PLXNA4: variants seen among roughly 807,000 people sequenced by gnomAD.
PLXNA4 encodes plexin-A4.
A neutral mutation model predicts 191.8 loss-of-function variants in PLXNA4; 44 were observed. The ratio of observed to expected loss-of-function variants is 0.23; its 90% CI spans 0.18 to 0.29. The LOEUF is 0.29. Among genes scored for constraint, PLXNA4 ranks in the 10% least tolerant of loss-of-function variants. PLXNA4 has a pLI of 1.00. For missense variants in PLXNA4, 1,800 were observed against 2,488.8 expected, an observed-to-expected ratio of 0.72 and a Z score of 5.89; for synonymous variants, 1,082 against 1,009.5, an observed-to-expected ratio of 1.07 and a Z score of -1.36.
chr7:132,433,516 G>A (rs2117207073), intron 3 of PLXNA4, among the ~76,000 whole-genome samples: 1 of 152,294 alleles, frequency 6.6e-6, no homozygotes, highest in Non-Finnish European at 1.5e-5. Flanking sequence ...TGAGGTTTGT[G>A]CTCAGCATTC....
At chr7:132,356,168 C>T (rs542554016) in intron 3 of PLXNA4, among the ~76,000 whole-genome samples, 21 of 152,114 alleles carry the variant, frequency 1.4e-4, no homozygotes, top group Admixed American at 3.3e-4. Flanking sequence ...CCTGGCAGAT[C>T]GGTGAGAAGC....
chr7:132,421,182 A>G (rs886195661), intron 3 of PLXNA4, among the ~76,000 whole-genome samples: 11 of 152,228 alleles, frequency 7.2e-5, no homozygotes, highest in African/African-American at 2.7e-4. Context: ...TGTAGGTGGA[A>G]TCATACAGCA....
chr7:132,168,439 C>T lies in PLXNA4; in HGVS notation c.4151G>A (p.Gly1384Asp). 1 of 1,614,046 alleles carries T rather than the reference C, an allele frequency of 6.2e-7. No homozygotes were observed. The highest frequency in any genetic ancestry group is 8.5e-7 in the Non-Finnish European group (1 of 1,179,952). Residue 1384 changes from glycine (G) to aspartate (D), a missense_variant, in exon 22 of 32, where the codon GGC (glycine) becomes GAC (aspartate). Gly to Asp is a moderately conservative substitution (Grantham distance 94). Transcript: ENST00000321063. ...SQRSFSMRDR[G>D]NVASLIMTVL... ...GGTCATGATGAGTGAGGCCACGTTG[C>T]CACGGTCGCGCATGGAGAAGCTACG...
intron 29 of PLXNA4, among the ~76,000 whole-genome samples, chr7:132,142,183 T>C (rs1383597228): frequency 6.6e-6 from 1 of 152,244 alleles, no homozygotes; most frequent in East Asian, 1.9e-4. Flanking sequence ...TCCTGGGACC[T>C]TCTGCCCCTT....
intron 3 of PLXNA4, among the ~76,000 whole-genome samples, chr7:132,422,399 G>C (rs1022959742): frequency 3.3e-5 from 5 of 152,214 alleles, no homozygotes; most frequent in Non-Finnish European, 7.3e-5. Flanking sequence ...CACACACAGA[G>C]AAGCACGGAA....
chr7:132,500,812 G>A (rs949553456), intron 2 of PLXNA4, among the ~76,000 whole-genome samples: 1 of 152,108 alleles, frequency 6.6e-6, no homozygotes, highest in African/African-American at 2.4e-5. Context: ...TTATTAAAAG[G>A]ATACTTTTTT....
At chr7:132,325,927 T>A (rs6950583) in intron 3 of PLXNA4, among the ~76,000 whole-genome samples, 14 of 151,992 alleles carry the variant, frequency 9.2e-5, no homozygotes, top group Non-Finnish European at 1.3e-4. Context: ...ACAGTAGCCC[T>A]TCCTACCCAC....
At chr7:132,342,938 C>T (rs1803089933) in intron 3 of PLXNA4, among the ~76,000 whole-genome samples, 1 of 123,872 alleles carries the variant, frequency 8.1e-6, no homozygotes, top group Admixed American at 9.4e-5. Flanking sequence ...CAGAGTGAGA[C>T]TCTGCCTCAA....
intron 20 of PLXNA4, 126 bp from the exon 21 acceptor site, chr7:132,175,046 G>A: frequency 1.4e-6 from 2 of 1,423,660 alleles, no homozygotes; most frequent in East Asian, 2.4e-5. Flanking sequence ...CGATGGGCGG[G>A]AATAACTGGA....
rs140968359 is a variant in PLXNA4, at chr7:132,513,262, G to A, written c.-86-4483C>T. On this transcript the variant is annotated intron_variant, in intron 1 of 31. Coordinates refer to ENST00000321063, the MANE Select transcript of PLXNA4 (RefSeq NM_020911.2). ...TAGAGAGGAAAGTTATTATAGAGTC[G>A]TTTAAAATAGCAATTACCCTGTGAA... Among the ~76,000 whole-genome samples the A allele has an allele frequency of 6.0e-3, 917 of 152,288 alleles. 9 individuals are homozygous for A. Among genetic ancestry groups the A allele is most frequent in the African/African-American group, 0.021 (871 of 41,562 alleles).
chr7:132,486,628 C>A (rs1196256526), intron 3 of PLXNA4, among the ~76,000 whole-genome samples: 6 of 152,362 alleles, frequency 3.9e-5, no homozygotes, highest in Admixed American at 2.6e-4. Context: ...CCCAACTGAC[C>A]CTTGCGCTCT....
At chr7:132,334,221 T>A (rs897713031) in intron 3 of PLXNA4, among the ~76,000 whole-genome samples, 1 of 151,250 alleles carries the variant, frequency 6.6e-6, no homozygotes, top group Non-Finnish European at 1.5e-5. Context: ...TTTATAAGAT[T>A]TCAGATTTCT....
chr7:132,210,866 T>C, intron 10 of PLXNA4, 77 bp downstream of exon 10: 1 of 1,501,350 alleles, frequency 6.7e-7, no homozygotes, highest in Non-Finnish European at 9.1e-7. Context: ...GCTGAGCTGA[T>C]TTGGCTCCTA....
chr7:132,297,017 C>G lies in PLXNA4; in HGVS notation c.1503+1074G>C, dbSNP rs140725234. Among the ~76,000 whole-genome samples, 1,040 of 152,136 alleles carry G rather than the reference C, an allele frequency of 6.8e-3. 12 individuals are homozygous for G. The highest frequency in any genetic ancestry group is 0.024 in the African/African-American group (987 of 41,510). ...CATCGAGCTCTTGGGGAGGGCAGAG[C>G]TCCTGTGACTGTTAAGGCATAATGC... On this transcript the variant is annotated intron_variant, in intron 4 of 31. Coordinates refer to ENST00000321063, the MANE Select transcript of PLXNA4 (RefSeq NM_020911.2).
chr7:132,550,106 G>A lies in PLXNA4; in HGVS notation c.-87+26316C>T, dbSNP rs562414618. On this transcript the variant is annotated intron_variant, in intron 1 of 31. Transcript: ENST00000321063. ...ATAAGGCTAGGGCTATACCCCACCT[G>A]CTGCCCAAGGGTAAGGTTTACCCTG... Among the ~76,000 whole-genome samples, 7 of 152,248 alleles carry A rather than the reference G, an allele frequency of 4.6e-5. No individual in the cohort carries two copies. The East Asian group carries it at 5.8e-4, about 13-fold the overall frequency.
rs1795696822 is a variant in PLXNA4, at chr7:132,153,246, T to A, written c.4661-4600A>T. 2.0e-5 allele frequency among the ~76,000 whole-genome samples: 3 copies of A among 152,168 alleles called. No homozygotes were observed. In the South Asian group the frequency reaches 6.2e-4, roughly 32 times the overall value. ...CTCATGTTGTAGTTCTAGGGATCGA[T>A]GAGTCTGAGCAGGAGAAAGTTGAGA... On this transcript the variant is annotated intron_variant, in intron 25 of 31. Transcript: ENST00000321063.
intron 3 of PLXNA4, among the ~76,000 whole-genome samples, chr7:132,309,904 G>T (rs989080640): frequency 1.3e-5 from 2 of 152,150 alleles, no homozygotes; most frequent in Admixed American, 1.3e-4. Flanking sequence ...AGCAAAGGGG[G>T]ACTTCATTGC....
chr7:132,415,966 T>A (rs1181156618), intron 3 of PLXNA4, among the ~76,000 whole-genome samples: 1 of 152,266 alleles, frequency 6.6e-6, no homozygotes, highest in Non-Finnish European at 1.5e-5. Flanking sequence ...CTATGCTGTC[T>A]GATAACCAGC....
At chr7:132,401,306 T>C (rs2117041106) in intron 3 of PLXNA4, among the ~76,000 whole-genome samples, 1 of 152,268 alleles carries the variant, frequency 6.6e-6, no homozygotes, top group East Asian at 1.9e-4. Flanking sequence ...TTCACGATTA[T>C]CTCAAAAGGC....
Sources: gnomAD v4.1 joint callset for allele counts (sites outside exome capture counted in the v4.1 genomes callset) on GRCh38, gnomAD v4.1.1 for gene constraint, MANE v1.5 for transcripts, NCBI Gene and HGNC (gene_info 2026-07-23, HGNC 2026-07-21) for gene names.